NTRK3: variants seen among roughly 807,000 people sequenced by gnomAD.
NTRK3 encodes the protein NT-3 growth factor receptor.
NTRK3 carries 24 observed loss-of-function variants against 91.7 expected under a neutral mutation model. The observed-to-expected ratio is 0.26, with a 90% CI of 0.19 to 0.37. NTRK3 has a LOEUF of 0.37. Ranked by LOEUF, NTRK3 falls within the 10% of genes least tolerant of loss-of-function variation. The pLI is 1.00. For missense variants in NTRK3, 880 were observed against 1,068.9 expected, an observed-to-expected ratio of 0.82 and a Z score of 2.46; for synonymous variants, 483 against 404.0, an observed-to-expected ratio of 1.20 and a Z score of -2.34.
intron 14 of NTRK3, among the ~76,000 whole-genome samples, chr15:87,964,952 A>C (rs949684350): frequency 2.0e-5 from 3 of 152,228 alleles, no homozygotes; most frequent in Non-Finnish European, 4.4e-5. Flanking sequence ...ATTTCTGTGC[A>C]AGTTTGTGTG....
chr15:88,158,428 G>A (rs1206013540), intron 5 of NTRK3, among the ~76,000 whole-genome samples: 2 of 152,190 alleles, frequency 1.3e-5, no homozygotes, highest in African/African-American at 4.8e-5. Context: ...GTGCTGGTGT[G>A]CTGCCTCCTG....
At chr15:87,870,700 A>C (rs2064807534) in exon 19 of NTRK3, 1 of 221,570 alleles carries the variant, frequency 4.5e-6, no homozygotes, top group South Asian at 1.8e-4. Context: ...GTCTAAATTT[A>C]TCATTGCTAA....
intron 13 of NTRK3, among the ~76,000 whole-genome samples, chr15:88,045,868 A>C (rs1249403209): frequency 6.6e-6 from 1 of 152,204 alleles, no homozygotes; most frequent in East Asian, 1.9e-4. Context: ...CTCTTTTTAT[A>C]AGGCCCTCAG....
At chr15:88,034,873 C>G (rs1255762744) in intron 13 of NTRK3, among the ~76,000 whole-genome samples, 1 of 152,214 alleles carries the variant, frequency 6.6e-6, no homozygotes, top group African/African-American at 2.4e-5. Flanking sequence ...AAAAAGAAGC[C>G]AGTTCCTGAA....
chr15:88,236,190 A>G (rs1178983331), intron 3 of NTRK3, among the ~76,000 whole-genome samples: 1 of 152,240 alleles, frequency 6.6e-6, no homozygotes, highest in East Asian at 1.9e-4. Flanking sequence ...AACTAGAAAC[A>G]ACCAAAAACA....
At chr15:88,016,825 G>T (rs2077264251) in intron 14 of NTRK3, among the ~76,000 whole-genome samples, 1 of 150,936 alleles carries the variant, frequency 6.6e-6, no homozygotes, top group Non-Finnish European at 1.5e-5. Flanking sequence ...TTTCTTCCAG[G>T]TTTTGTTTTT....
In NTRK3 at chr15:87,976,895, C is replaced by T. The variant is rs561100557; in HGVS notation, c.1586-36142G>A. Among the ~76,000 whole-genome samples, 4 of 152,310 alleles carry T rather than the reference C, an allele frequency of 2.6e-5. No individual in the cohort carries two copies. In the East Asian group the frequency reaches 7.7e-4, roughly 29 times the overall value. ...CCTAGGGACAGCCCCACTGGCTTTG[C>T]TGGTGCACCAAAGATAAAGGATCCC... On this transcript the variant is annotated intron_variant, in intron 14 of 18. Coordinates refer to ENST00000394480, the Ensembl canonical transcript of NTRK3.
chr15:88,189,856 G>A (rs147607179), intron 3 of NTRK3, among the ~76,000 whole-genome samples: 1 of 152,156 alleles, frequency 6.6e-6, no homozygotes, highest in Non-Finnish European at 1.5e-5. Context: ...TACAGAATGT[G>A]TGGTCCATAT....
chr15:87,977,838 A>T (rs1215621092), intron 14 of NTRK3: 1 of 232,624 alleles, frequency 4.3e-6, no homozygotes, highest in Non-Finnish European at 8.5e-6. Context: ...AAGAACCACC[A>T]TCCACAGGAC....
chr15:87,991,919 ATTTTT>A (rs575556849), intron 14 of NTRK3, among the ~76,000 whole-genome samples: 1 of 146,392 alleles, frequency 6.8e-6, no homozygotes, highest in South Asian at 2.2e-4. Context: ...TGCTGTTGTG[ATTTTT>A]TTTTTTAATT....
chr15:87,866,543 G>A (rs1047686140), exon 19 of NTRK3: 1 of 174,416 alleles, frequency 5.7e-6, no homozygotes, highest in African/African-American at 2.4e-5. Flanking sequence ...ATTAAAATAA[G>A]GGATTGGGTT....
chr15:88,184,086 C>T, intron 4 of NTRK3, 139 bp downstream of exon 4: 1 of 819,264 alleles, frequency 1.2e-6, no homozygotes, highest in Non-Finnish European at 2.1e-6. Context: ...TGCATATTGC[C>T]AACTCTACCA....
At chr15:88,135,927 G>A (rs2041835023) in exon 9 of NTRK3, 1 of 1,614,190 alleles carries the variant, frequency 6.2e-7, no homozygotes, top group East Asian at 2.2e-5. Flanking sequence ...CACTGGCATT[G>A]CTCATGCCCA....
intron 13 of NTRK3, among the ~76,000 whole-genome samples, chr15:88,034,898 T>C (rs2078935347): frequency 6.6e-6 from 1 of 152,184 alleles, no homozygotes; most frequent in Non-Finnish European, 1.5e-5. Context: ...CCTTGTAAAC[T>C]TTTTGAAAAA....
chr15:88,109,838 CCAT>C (rs901118935), intron 13 of NTRK3, among the ~76,000 whole-genome samples: 23 of 152,274 alleles, frequency 1.5e-4, no homozygotes, highest in Admixed American at 8.5e-4. Flanking sequence ...TGAACCACAG[CCAT>C]AATGGGACCT....
At chr15:88,095,141 A>T (rs1456038745) in intron 13 of NTRK3, among the ~76,000 whole-genome samples, 1 of 152,212 alleles carries the variant, frequency 6.6e-6, no homozygotes, top group Non-Finnish European at 1.5e-5. Context: ...GAAGAGTGAG[A>T]ACAGCTTGTG....
Position 87,904,486 on chromosome 15 carries a change from A to T in NTRK3, c.2134-24058T>A, listed in dbSNP as rs111289868. 5.4e-3 allele frequency among the ~76,000 whole-genome samples: 821 copies of T among 152,078 alleles called. 9 individuals carry two copies. Among genetic ancestry groups the T allele is most frequent in the Middle Eastern group, 0.027 (8 of 294 alleles). ...AAGCCTTTTAATATGGGCCTTTGGG[A>T]TCTCTCTGAATCTTTTTTCTTAGGT... On this transcript the variant is annotated intron_variant, in intron 17 of 18. Coordinates refer to ENST00000394480, the Ensembl canonical transcript of NTRK3.
chr15:88,016,959 A>T (rs2077278131), intron 14 of NTRK3, among the ~76,000 whole-genome samples: 1 of 134,482 alleles, frequency 7.4e-6, no homozygotes, highest in African/African-American at 2.9e-5. Flanking sequence ...CGAAGCTTAA[A>T]AAAAAAAAAA....
chr15:87,973,734 G>A (rs920599174), intron 14 of NTRK3, among the ~76,000 whole-genome samples: 1 of 152,056 alleles, frequency 6.6e-6, no homozygotes, highest in African/African-American at 2.4e-5. Flanking sequence ...ACTCCCCATT[G>A]TTCTCCACCT....
Sources: gnomAD v4.1 joint callset for allele counts (sites outside exome capture counted in the v4.1 genomes callset) on GRCh38, gnomAD v4.1.1 for gene constraint, MANE v1.5 for transcripts, NCBI Gene and HGNC (gene_info 2026-07-23, HGNC 2026-07-21) for gene names.